FAM107B: variants seen among roughly 807,000 people sequenced by gnomAD.
FAM107B encodes family with sequence similarity 107 member B.
FAM107B carries 21 observed loss-of-function variants against 31.5 expected under a neutral mutation model. The observed-to-expected ratio is 0.67, with a 90% CI of 0.47 to 0.96. The LOEUF is 0.96. Ranked by LOEUF, FAM107B falls within the 40% of genes least tolerant of loss-of-function variation. The pLI, the probability that FAM107B is intolerant of heterozygous loss-of-function variation, is 0.00. For synonymous variants in FAM107B, 157 were observed against 141.5 expected (o/e 1.11, Z -0.78); for missense variants, 452 against 377.1 (o/e 1.20, Z -1.64).
chr10:14,577,506 A>C lies in FAM107B; in HGVS notation c.470-46991T>G, dbSNP rs1349807206. 2.0e-5 allele frequency among the ~76,000 whole-genome samples: 3 copies of C among 152,376 alleles called. 1 individual carries two copies. In the East Asian group the frequency reaches 5.8e-4, roughly 29 times the overall value. On this transcript the variant is annotated intron_variant, in intron 2 of 4. Coordinates refer to ENST00000181796, the MANE Select transcript of FAM107B (RefSeq NM_031453.4). The stretch of plus-strand genomic sequence containing the variant: ...CTTGCATAGTACGAAGAAATAAAAA[A>C]AAATGTTCTAGTCTTAAAAATTGTT...
At chr10:14,748,391 G>A (rs977181150) in intron 1 of FAM107B, among the ~76,000 whole-genome samples, 9 of 152,134 alleles carry the variant, frequency 5.9e-5, no homozygotes, top group South Asian at 2.1e-4. Flanking sequence ...GGAATTCCTC[G>A]CTTTGAGTTT....
At chr10:14,536,080 G>T (rs1427101030) in intron 2 of FAM107B, among the ~76,000 whole-genome samples, 1 of 152,236 alleles carries the variant, frequency 6.6e-6, no homozygotes, top group African/African-American at 2.4e-5. Flanking sequence ...TGCCCCAGCA[G>T]ACTGCTCTGG....
chr10:14,765,658 A>G (rs1833146583), intron 1 of FAM107B, among the ~76,000 whole-genome samples: 1 of 152,240 alleles, frequency 6.6e-6, no homozygotes, highest in South Asian at 2.1e-4. Flanking sequence ...AATAAAAAGG[A>G]ACTAGAAAAT....
At chr10:14,615,325 T>C (rs1159834534) in intron 2 of FAM107B, among the ~76,000 whole-genome samples, 14 of 151,612 alleles carry the variant, frequency 9.2e-5, no homozygotes, top group Admixed American at 9.2e-4. Context: ...TGAGACACCA[T>C]CTCAAAAAAA....
chr10:14,585,735 T>C (rs1321263475), intron 2 of FAM107B, among the ~76,000 whole-genome samples: 1 of 152,200 alleles, frequency 6.6e-6, no homozygotes, highest in Non-Finnish European at 1.5e-5. Context: ...AGGTAAACCA[T>C]GGACTCACCA....
At chr10:14,653,043 C>T (rs1234493420) in intron 2 of FAM107B, among the ~76,000 whole-genome samples, 1 of 152,150 alleles carries the variant, frequency 6.6e-6, no homozygotes, top group Non-Finnish European at 1.5e-5. Flanking sequence ...CTGGCCTTGG[C>T]TGAACACAAA....
At chr10:14,596,323 T>C (rs1285546958) in intron 2 of FAM107B, among the ~76,000 whole-genome samples, 1 of 152,166 alleles carries the variant, frequency 6.6e-6, no homozygotes, top group African/African-American at 2.4e-5. Context: ...CATCCATGTA[T>C]CTGTTTACCT....
chr10:14,748,551 G>A (rs1446596123), intron 1 of FAM107B, among the ~76,000 whole-genome samples: 1 of 152,236 alleles, frequency 6.6e-6, no homozygotes, highest in Non-Finnish European at 1.5e-5. Context: ...TGGGAAGCTA[G>A]CAGCTTAAAG....
intron 2 of FAM107B, among the ~76,000 whole-genome samples, chr10:14,614,086 G>A (rs999248233): frequency 7.9e-5 from 12 of 152,052 alleles, no homozygotes; most frequent in African/African-American, 2.4e-4. Flanking sequence ...AGCCAAGATC[G>A]CGCCACTGCA....
chr10:14,633,494 T>C (rs1210601925), intron 2 of FAM107B, among the ~76,000 whole-genome samples: 1 of 152,216 alleles, frequency 6.6e-6, no homozygotes, highest in Non-Finnish European at 1.5e-5. Context: ...AATTTAATGA[T>C]GGATTAAGTT....
Position 14,708,771 on chromosome 10 carries a change from G to A in FAM107B, c.412-41080C>T, listed in dbSNP as rs142065275. 3.9e-5 allele frequency among the ~76,000 whole-genome samples: 6 copies of A among 152,234 alleles called. No individual in the cohort carries two copies. The East Asian group carries it at 5.8e-4, about 15-fold the overall frequency. ...TACCCCAAATATGCAAAGAAAGAAC[G>A]TTTCAAACTCAACAATAAGAAAACA... On this transcript the variant is annotated intron_variant, in intron 1 of 4. Transcript: ENST00000181796.
chr10:14,588,646 A>C (rs1188999359), intron 2 of FAM107B, among the ~76,000 whole-genome samples: 8 of 152,066 alleles, frequency 5.3e-5, no homozygotes, highest in Non-Finnish European at 1.5e-5. Context: ...ACACTCAGAA[A>C]ATCAACATCA....
At chr10:14,547,362 C>T (rs1026715492) in intron 2 of FAM107B, among the ~76,000 whole-genome samples, 1 of 152,146 alleles carries the variant, frequency 6.6e-6, no homozygotes, top group African/African-American at 2.4e-5. Context: ...GACAGCCAGT[C>T]ATTCTATCAT....
intron 1 of FAM107B, among the ~76,000 whole-genome samples, chr10:14,759,181 A>AAAATAAATAAAT (rs60547324): frequency 0.013 from 1,880 of 144,862 alleles, 29 homozygotes; most frequent in African/African-American, 0.032. Context: ...TCTGTCTCAA[A>AAAATAAATAAAT]AAATAAATAA....
At chr10:14,718,533 CAG>C (rs546456987) in intron 1 of FAM107B, among the ~76,000 whole-genome samples, 15 of 146,838 alleles carry the variant, frequency 1.0e-4, no homozygotes, top group Non-Finnish European at 1.5e-4. Context: ...GAAGGAAGGA[CAG>C]AGAGAGAGAG....
chr10:14,681,591 G>A (rs534802623), intron 1 of FAM107B, among the ~76,000 whole-genome samples: 18 of 152,252 alleles, frequency 1.2e-4, no homozygotes, highest in African/African-American at 1.7e-4. Context: ...GACCGTCACC[G>A]CACCCAGAGG....
intron 2 of FAM107B, among the ~76,000 whole-genome samples, chr10:14,537,271 T>C (rs1389087471): frequency 6.6e-6 from 1 of 152,172 alleles, no homozygotes; most frequent in Admixed American, 6.5e-5. Flanking sequence ...AAGGAATCCA[T>C]CTTGGAGCTG....
chr10:14,594,190 A>C (rs1026765902), intron 2 of FAM107B, among the ~76,000 whole-genome samples: 7 of 152,166 alleles, frequency 4.6e-5, no homozygotes, highest in African/African-American at 1.7e-4. Flanking sequence ...TAATGCCAAA[A>C]TAAAAATTCA....
At chr10:14,756,723 G>A (rs970696436) in intron 1 of FAM107B, among the ~76,000 whole-genome samples, 5 of 152,124 alleles carry the variant, frequency 3.3e-5, no homozygotes, top group Non-Finnish European at 7.3e-5. Context: ...TATGTTTATT[G>A]CAACACTGCT....
Sources: allele counts gnomAD v4.1 joint callset (sites outside exome capture counted in the v4.1 genomes callset), GRCh38; gene constraint gnomAD v4.1.1; transcripts MANE v1.5; gene names NCBI Gene and HGNC (gene_info 2026-07-23, HGNC 2026-07-21).